The following CHST8 variants were observed in gnomAD, a reference collection of about 807,000 sequenced individuals.
CHST8 encodes GALNAC-4-ST1.
A neutral mutation model predicts 15.0 loss-of-function variants in CHST8; 10 were observed. The ratio of observed to expected loss-of-function variants is 0.67; its 90% confidence interval spans 0.41 to 1.13. The LOEUF is 1.13. CHST8 is among the 50% of genes most tolerant of loss of function. The pLI is 0.00. For synonymous variants in CHST8, 259 were observed against 256.6 expected, an observed-to-expected ratio of 1.01 and a Z score of -0.09; for missense variants, 634 against 608.2, an observed-to-expected ratio of 1.04 and a Z score of -0.45.
chr19:33,666,396 C>G (rs1235064321), intron 1 of CHST8, among the ~76,000 whole-genome samples: 1 of 152,244 alleles, frequency 6.6e-6, no homozygotes, highest in South Asian at 2.1e-4. Flanking sequence ...AGAAATCTGT[C>G]TGCCTCGCGT....
At chr19:33,715,808 A>G (rs1326581647) in intron 3 of CHST8, among the ~76,000 whole-genome samples, 1 of 152,192 alleles carries the variant, frequency 6.6e-6, no homozygotes, top group Non-Finnish European at 1.5e-5. Flanking sequence ...GCAGTCATTG[A>G]GCACCTGCTG....
intron 3 of CHST8, among the ~76,000 whole-genome samples, chr19:33,736,768 G>A (rs1252837559): frequency 6.6e-6 from 1 of 152,172 alleles, no homozygotes; most frequent in East Asian, 1.9e-4. Flanking sequence ...TTGGGAGTCT[G>A]CGGCCATGTA....
chr19:33,766,338 T>G (rs1974842313), intron 3 of CHST8, among the ~76,000 whole-genome samples: 1 of 152,034 alleles, frequency 6.6e-6, no homozygotes, highest in Non-Finnish European at 1.5e-5. Context: ...TCAGAACCCT[T>G]CATACTTCCC....
At chr19:33,671,982 A>G (rs1972744076) in intron 2 of CHST8, among the ~76,000 whole-genome samples, 1 of 151,894 alleles carries the variant, frequency 6.6e-6, no homozygotes, top group Admixed American at 6.6e-5. Flanking sequence ...TGGGTGATGA[A>G]TGTGCTGGTT....
intron 1 of CHST8, among the ~76,000 whole-genome samples, chr19:33,660,506 G>A (rs1972572774): frequency 6.6e-6 from 1 of 152,152 alleles, no homozygotes; most frequent in Admixed American, 6.5e-5. Context: ...AAGATGAAGT[G>A]AAGAAACTGG....
At chr19:33,626,927 T>C (rs1438493598) in intron 1 of CHST8, among the ~76,000 whole-genome samples, 1 of 151,932 alleles carries the variant, frequency 6.6e-6, no homozygotes, top group East Asian at 1.9e-4. Flanking sequence ...TAGCTGGGAC[T>C]ACAGATGCAC....
chr19:33,687,742 C>T (rs964293989), intron 2 of CHST8, among the ~76,000 whole-genome samples: 2 of 152,190 alleles, frequency 1.3e-5, no homozygotes, highest in Non-Finnish European at 2.9e-5. Flanking sequence ...CGTGGGGAGT[C>T]GTGGGCAGGG....
intron 1 of CHST8, among the ~76,000 whole-genome samples, chr19:33,625,164 C>G (rs570514720): frequency 6.6e-5 from 10 of 151,994 alleles, no homozygotes; most frequent in African/African-American, 2.4e-4. Context: ...CTGTTTGCCA[C>G]AAGCTCTGCC....
At chr19:33,718,476 G>T (rs1973708358) in intron 3 of CHST8, among the ~76,000 whole-genome samples, 1 of 152,184 alleles carries the variant, frequency 6.6e-6, no homozygotes, top group Non-Finnish European at 1.5e-5. Context: ...GTGGGGCAAG[G>T]CAGTCTTCCC....
rs71337505 is a variant in CHST8, at chr19:33,757,609, G to A, written c.131-13804G>A. Among the ~76,000 whole-genome samples the A allele has an allele frequency of 3.4e-3, 388 of 113,738 alleles. 41 individuals are homozygous for A. The highest frequency in any genetic ancestry group is 8.7e-3 in the Admixed American group (96 of 11,058). The allele number at this position is 113,738 out of a possible 152,430, so 74.6% of individuals were successfully genotyped here. On this transcript the variant is annotated intron_variant, in intron 3 of 4. Transcript: ENST00000650847. ...GAAAGAAAGAAAGAAAGAAAGAGCC[G>A]GCCATTCAGAAGGGAGCAGAAAGGG...
At chr19:33,739,607 G>A (rs1974149205) in intron 3 of CHST8, among the ~76,000 whole-genome samples, 1 of 152,188 alleles carries the variant, frequency 6.6e-6, no homozygotes, top group African/African-American at 2.4e-5. Context: ...ACTGATATTT[G>A]TGAATGCGTG....
intron 1 of CHST8, among the ~76,000 whole-genome samples, chr19:33,649,398 T>G (rs1972403663): frequency 6.6e-6 from 1 of 152,144 alleles, no homozygotes. Flanking sequence ...AAAGGAGAAC[T>G]TTATTTCTTA....
chr19:33,733,865 A>T (rs2145329440), intron 3 of CHST8, among the ~76,000 whole-genome samples: 1 of 152,292 alleles, frequency 6.6e-6, no homozygotes, highest in East Asian at 1.9e-4. Flanking sequence ...AACGGCCCAC[A>T]CACCATCATA....
intron 3 of CHST8, among the ~76,000 whole-genome samples, chr19:33,703,995 C>T (rs980182165): frequency 6.6e-5 from 10 of 152,180 alleles, no homozygotes; most frequent in Admixed American, 1.3e-4. Context: ...TTCTCATGTT[C>T]GCGTCTGGGG....
At chr19:33,709,294 C>T (rs762131076) in intron 3 of CHST8, among the ~76,000 whole-genome samples, 24 of 152,002 alleles carry the variant, frequency 1.6e-4, no homozygotes, top group Non-Finnish European at 2.2e-4. Context: ...TGCTTTATTC[C>T]GGATCTTAGG....
chr19:33,737,751 C>G (rs577686660), intron 3 of CHST8, among the ~76,000 whole-genome samples: 1 of 152,266 alleles, frequency 6.6e-6, no homozygotes, highest in East Asian at 1.9e-4. Context: ...GAGCTTCCCC[C>G]AGCCTTCTCC....
intron 3 of CHST8, among the ~76,000 whole-genome samples, chr19:33,714,591 C>CT (rs1361790950): frequency 1.3e-5 from 2 of 151,914 alleles, no homozygotes; most frequent in East Asian, 3.8e-4. Context: ...GACTTCACCA[C>CT]TAATATGGTT....
At chr19:33,757,512 A>AAGAAAGAAAGAGAAAGAAAG (rs1568358726) in intron 3 of CHST8, among the ~76,000 whole-genome samples, 2 of 43,022 alleles carry the variant, frequency 4.6e-5, no homozygotes, top group Non-Finnish European at 9.7e-5. Context: ...GAAAGAAAGA[A>AAGAAAGAAAGAGAAAGAAAG]AGAAAGAAAG....
chr19:33,725,350 C>A (rs1371208573), intron 3 of CHST8, among the ~76,000 whole-genome samples: 2 of 152,146 alleles, frequency 1.3e-5, no homozygotes, highest in Non-Finnish European at 2.9e-5. Flanking sequence ...GAGAGCTAAG[C>A]CTCGAGTCCT....
Sources: gnomAD v4.1 joint callset for allele counts (sites outside exome capture counted in the v4.1 genomes callset) on GRCh38, gnomAD v4.1.1 for gene constraint, MANE v1.5 for transcripts, NCBI Gene and HGNC (gene_info 2026-07-23, HGNC 2026-07-21) for gene names.